CCDC169: variants seen among roughly 807,000 people sequenced by gnomAD.
CCDC169 encodes coiled-coil domain containing 169, also known as coiled-coil domain-containing protein 169.
A neutral mutation model predicts 36.0 loss-of-function variants in CCDC169; 30 were observed. That is an observed-to-expected ratio of 0.83 (90% CI 0.62 to 1.13). The LOEUF is 1.13. Ranked by LOEUF, CCDC169 falls within the 50% of genes most tolerant of loss-of-function variation. The pLI is 0.00. For synonymous variants in CCDC169, 85 were observed against 81.5 expected (o/e 1.04, Z -0.23); for missense variants, 245 against 245.9 (o/e 1.00, Z 0.03).
intron 4 of CCDC169, among the ~76,000 whole-genome samples, chr13:36,277,292 AAC>A (rs1030075408): frequency 3.3e-5 from 5 of 152,088 alleles, no homozygotes; most frequent in African/African-American, 4.8e-5. Context: ...AGAGGGGAAC[AAC>A]ACACACTGGG....
chr13:36,230,407 T>C (rs566771071), downstream of CCDC169, among the ~76,000 whole-genome samples: 1 of 152,338 alleles, frequency 6.6e-6, no homozygotes, highest in South Asian at 2.1e-4. Context: ...AACTCTTTTC[T>C]TATCCTCATT....
intron 6 of CCDC169, among the ~76,000 whole-genome samples, chr13:36,252,475 A>G (rs749731871): frequency 2.6e-5 from 4 of 152,146 alleles, no homozygotes; most frequent in Non-Finnish European, 5.9e-5. Context: ...CCCTCTAGAT[A>G]TTCTGGATCA....
chr13:36,294,324 A>G (rs1407664526), intron 2 of CCDC169, among the ~76,000 whole-genome samples: 2 of 152,190 alleles, frequency 1.3e-5, no homozygotes, highest in Admixed American at 6.5e-5. Context: ...AACTGGGTAC[A>G]TGAGGACGTT....
chr13:36,276,061 T>A (rs929486692), intron 4 of CCDC169, among the ~76,000 whole-genome samples: 1 of 152,200 alleles, frequency 6.6e-6, no homozygotes, highest in Non-Finnish European at 1.5e-5. Flanking sequence ...TATGTTCTTC[T>A]CCTGTTTGTC....
chr13:36,295,525 G>A (rs1414406599), intron 2 of CCDC169, among the ~76,000 whole-genome samples: 1 of 152,182 alleles, frequency 6.6e-6, no homozygotes, highest in Non-Finnish European at 1.5e-5. Context: ...TTGATGTCAT[G>A]TAACAAAGTT....
At chr13:36,242,920 AC>A (rs1477523881) in intron 7 of CCDC169, among the ~76,000 whole-genome samples, 1 of 152,166 alleles carries the variant, frequency 6.6e-6, no homozygotes, top group Non-Finnish European at 1.5e-5. Flanking sequence ...TGAGTTTGGC[AC>A]CCAGGTGATC....
At chr13:36,258,711 A>C (rs1035158422) in intron 4 of CCDC169, among the ~76,000 whole-genome samples, 9 of 151,088 alleles carry the variant, frequency 6.0e-5, no homozygotes, top group South Asian at 4.2e-4. Context: ...TTTAGCATAT[A>C]ATCAAGAAAT....
intron 7 of CCDC169, chr13:36,244,581 G>A (rs1440890489): frequency 6.6e-6 from 1 of 151,952 alleles, no homozygotes; most frequent in Non-Finnish European, 1.5e-5. Context: ...TGCCTTTGTT[G>A]ATTTTGCTTT....
At chr13:36,260,883 C>T (rs1020805279) in intron 4 of CCDC169, among the ~76,000 whole-genome samples, 3 of 152,134 alleles carry the variant, frequency 2.0e-5, no homozygotes, top group Admixed American at 1.3e-4. Flanking sequence ...CAGAGAGGAC[C>T]TAGAAGTACA....
At chr13:36,253,253 G>C (rs1470372997) in intron 6 of CCDC169, among the ~76,000 whole-genome samples, 1 of 152,168 alleles carries the variant, frequency 6.6e-6, no homozygotes, top group Non-Finnish European at 1.5e-5. Context: ...TTGAATTCTA[G>C]TGATTAGTGG....
At chr13:36,222,252 A>G (rs1869651733), downstream of CCDC169, 2 of 152,228 alleles carry the variant, frequency 1.3e-5, no homozygotes, top group Non-Finnish European at 1.5e-5. Context: ...ACCTCAGAGC[A>G]GGGTAGGGGA....
chr13:36,295,064 A>G (rs1206025675), intron 2 of CCDC169, among the ~76,000 whole-genome samples: 1 of 152,180 alleles, frequency 6.6e-6, no homozygotes, highest in African/African-American at 2.4e-5. Context: ...TAATCCTAAT[A>G]AAGTCCTCCT....
downstream of CCDC169, chr13:36,225,574 C>T (rs948352944): frequency 6.6e-6 from 1 of 151,932 alleles, no homozygotes; most frequent in Non-Finnish European, 1.5e-5. Context: ...GCAATTGCAA[C>T]CAAAACAAAA....
chr13:36,231,063 A>T lies in CCDC169; in HGVS notation c.*130T>A. On this transcript the variant is annotated 3_prime_UTR_variant, in exon 8 of 8. Transcript: ENST00000239859. Reference sequence around the variant, plus strand: ...CAAAGGAACACACGTCTGGAAAAGGAACTAAAGAAAAATGTGGCAGTTCTT... The same window carrying T: ...CAAAGGAACACACGTCTGGAAAAGGTACTAAAGAAAAATGTGGCAGTTCTT... The T allele has an allele frequency of 7.0e-7, 1 of 1,428,088 alleles. No homozygotes were observed. Among genetic ancestry groups the T allele is most frequent in the Non-Finnish European group, 9.1e-7 (1 of 1,095,928 alleles). 88.5% of individuals were successfully genotyped at this position (1,428,088 alleles called of 1,614,324 possible). A position where few individuals can be genotyped will look rare whatever the true frequency, so the allele number is the denominator to read the frequency against.
At chr13:36,274,061 T>C (rs1390520075) in intron 4 of CCDC169, among the ~76,000 whole-genome samples, 1 of 152,194 alleles carries the variant, frequency 6.6e-6, no homozygotes, top group African/African-American at 2.4e-5. Context: ...TCTCCTTCTC[T>C]ATACCTGCTT....
chr13:36,260,721 C>T lies in CCDC169; in HGVS notation c.316-6578G>A, dbSNP rs183039053. On this transcript the variant is annotated intron_variant, in intron 4 of 7. Transcript: ENST00000239859. Reference sequence around the variant, plus strand: ...TAGTGCCTATTCTACCACTCTACTTCTTCCACTTCTTTGGCTTGATAAATA... The same window carrying T: ...TAGTGCCTATTCTACCACTCTACTTTTTCCACTTCTTTGGCTTGATAAATA... 3.9e-5 allele frequency among the ~76,000 whole-genome samples: 6 copies of T among 152,330 alleles called. No homozygotes were observed. The East Asian group carries it at 7.7e-4, about 20-fold the overall frequency.
At position 36,283,502 on chromosome 13, in the gene CCDC169, T is replaced by C. The variant is rs1998800; in HGVS notation, c.282A>G (p.Leu94=). ...TTCGTTCATAGACACGAATAGAAGA[T>C]AGTCTATCTACAATAAATCAAATAT... The part of the protein sequence containing the change: ...EKIHGNSSDR[L]SSIRVYERMP... The change falls in exon 4 of 8, where the codon CTA becomes CTG. Residue 94 remains leucine (L), a synonymous_variant. Transcript: ENST00000239859. 0.27 allele frequency: 425,343 copies of C among 1,548,808 alleles called. 60,223 individuals carry two copies. Among genetic ancestry groups the C allele is most frequent in the East Asian group, 0.47 (19,397 of 40,852 alleles).
intron 6 of CCDC169, among the ~76,000 whole-genome samples, chr13:36,251,129 G>A (rs1016946033): frequency 3.3e-5 from 5 of 152,124 alleles, no homozygotes; most frequent in African/African-American, 1.2e-4. Context: ...CTCCCAAGAG[G>A]GGGAAACTCA....
At chr13:36,258,128 G>T (rs1176667727) in intron 4 of CCDC169, among the ~76,000 whole-genome samples, 1 of 152,150 alleles carries the variant, frequency 6.6e-6, no homozygotes, top group Non-Finnish European at 1.5e-5. Context: ...CTTCAGTGTT[G>T]GTGGTTTTGC....
Sources: gnomAD v4.1 joint callset for allele counts (sites outside exome capture counted in the v4.1 genomes callset) on GRCh38, gnomAD v4.1.1 for gene constraint, MANE v1.5 for transcripts, NCBI Gene and HGNC (gene_info 2026-07-23, HGNC 2026-07-21) for gene names.